Variants in LRP1B observed in about 807,000 individuals in gnomAD.
LRP1B encodes low-density lipoprotein receptor-related protein 1B.
LRP1B carries 217 observed loss-of-function variants against 556.6 expected under a neutral mutation model. That is an observed-to-expected ratio of 0.39 (90% confidence interval 0.35 to 0.44). The LOEUF is 0.44. Ranked by LOEUF, LRP1B falls within the 20% of genes least tolerant of loss-of-function variation. The pLI is 1.00. For missense variants in LRP1B, 5,053 were observed against 5,620.8 expected (o/e 0.90, Z 3.23); for synonymous variants, 2,047 against 1,865.8 (o/e 1.10, Z -2.50).
chr2:141,344,398 TTAAC>T (rs60681090), intron 3 of LRP1B, among the ~76,000 whole-genome samples: 86,579 of 151,362 alleles, frequency 0.57, 25,385 homozygotes, highest in Non-Finnish European at 0.62. Context: ...TTGCCTTTTG[TTAAC>T]TAAGTAAGCT....
intron 3 of LRP1B, among the ~76,000 whole-genome samples, chr2:141,370,405 G>A (rs1689187920): frequency 6.6e-6 from 1 of 152,124 alleles, no homozygotes; most frequent in African/African-American, 2.4e-5. Flanking sequence ...GATTAATGAT[G>A]TTCAATGTTT....
chr2:140,949,474 T>C (rs1695639974), intron 20 of LRP1B, among the ~76,000 whole-genome samples: 1 of 152,324 alleles, frequency 6.6e-6, no homozygotes, highest in East Asian at 1.9e-4. Flanking sequence ...TTTCTTAGCT[T>C]GTACTCTAGA....
chr2:141,465,614 A>G (rs759513240), intron 3 of LRP1B, among the ~76,000 whole-genome samples: 26 of 150,934 alleles, frequency 1.7e-4, no homozygotes, highest in Non-Finnish European at 2.9e-4. Context: ...CAGTGGCACA[A>G]TCTGGGCTCA....
At chr2:140,953,882 C>T (rs567491318) in intron 18 of LRP1B, among the ~76,000 whole-genome samples, 1 of 152,176 alleles carries the variant, frequency 6.6e-6, no homozygotes, top group African/African-American at 2.4e-5. Context: ...CCCCATCCAG[C>T]ACTCTTTGTA....
At chr2:140,917,878 T>A (rs2105249545) in intron 21 of LRP1B, among the ~76,000 whole-genome samples, 1 of 152,224 alleles carries the variant, frequency 6.6e-6, no homozygotes, top group East Asian at 1.9e-4. Context: ...ATAGGTGCAT[T>A]GATTATAACA....
chr2:140,760,186 T>C lies in LRP1B; in HGVS notation c.5758+9027A>G, dbSNP rs76606121. On this transcript the variant is annotated intron_variant, in intron 35 of 90. Coordinates refer to ENST00000389484, the MANE Select transcript of LRP1B (RefSeq NM_018557.3). ...GGGGAACACATCAGATAACAAATAGTAAACCAGGGGAACACATCAGAATCA... is the reference window on the plus strand; with the variant it reads ...GGGGAACACATCAGATAACAAATAGCAAACCAGGGGAACACATCAGAATCA... 9.9e-5 allele frequency among the ~76,000 whole-genome samples: 15 copies of C among 152,230 alleles called. No homozygotes were observed. In the East Asian group the frequency reaches 2.9e-3, roughly 29 times the overall value.
chr2:141,471,344 C>T (rs1377222091), intron 3 of LRP1B, among the ~76,000 whole-genome samples: 1 of 143,426 alleles, frequency 7.0e-6, no homozygotes, highest in Admixed American at 7.1e-5. Context: ...ATAAGTCATA[C>T]TGTATACCTA....
chr2:141,651,792 A>G (rs1179019607), intron 2 of LRP1B, among the ~76,000 whole-genome samples: 1 of 152,182 alleles, frequency 6.6e-6, no homozygotes, highest in African/African-American at 2.4e-5. Context: ...ACGTAACTGA[A>G]GTGTTTAACT....
chr2:141,662,793 T>C (rs543899069), intron 2 of LRP1B, among the ~76,000 whole-genome samples: 11 of 151,902 alleles, frequency 7.2e-5, no homozygotes, highest in Non-Finnish European at 1.5e-4. Flanking sequence ...AACAAAGATA[T>C]TCAGGACTTG....
intron 2 of LRP1B, among the ~76,000 whole-genome samples, chr2:141,653,572 C>T (rs1273080703): frequency 6.6e-6 from 1 of 152,194 alleles, no homozygotes; most frequent in Non-Finnish European, 1.5e-5. Flanking sequence ...GGAAGCTCCA[C>T]TAACATATTC....
chr2:140,684,599 T>C (rs976241511), intron 41 of LRP1B, among the ~76,000 whole-genome samples: 1 of 152,216 alleles, frequency 6.6e-6, no homozygotes, highest in Non-Finnish European at 1.5e-5. Flanking sequence ...AGATACATTT[T>C]GTTTTTAGCT....
chr2:141,381,699 G>C (rs1157118524), intron 3 of LRP1B, among the ~76,000 whole-genome samples: 9 of 152,074 alleles, frequency 5.9e-5, no homozygotes, highest in Admixed American at 5.9e-4. Context: ...AAATTTTTCA[G>C]CAGAAACCTT....
intron 56 of LRP1B, 37 bp downstream of exon 56, chr2:140,495,528 A>T (rs780666886): frequency 6.5e-6 from 10 of 1,544,848 alleles, no homozygotes; most frequent in Non-Finnish European, 8.9e-6. Flanking sequence ...CATATGTATA[A>T]CTGAGGTTGG....
intron 31 of LRP1B, among the ~76,000 whole-genome samples, chr2:140,815,865 CTCTT>C (rs1691101676): frequency 3.0e-5 from 2 of 66,448 alleles, no homozygotes; most frequent in Admixed American, 1.6e-4. Flanking sequence ...AATGTTGTCT[CTCTT>C]TTTTTTTTTT....
chr2:141,993,373 A>G (rs1360834118), intron 1 of LRP1B, among the ~76,000 whole-genome samples: 2 of 152,060 alleles, frequency 1.3e-5, no homozygotes, highest in Non-Finnish European at 2.9e-5. Flanking sequence ...GCCTATCACC[A>G]TCTCCCATTG....
intron 84 of LRP1B, among the ~76,000 whole-genome samples, chr2:140,285,412 T>C (rs147742950): frequency 4.7e-5 from 7 of 150,164 alleles, no homozygotes; most frequent in African/African-American, 1.7e-4. Context: ...GAGAGAGAGA[T>C]ATTTCTACAC....
At chr2:140,366,092 G>C (rs1441120890) in intron 71 of LRP1B, among the ~76,000 whole-genome samples, 1 of 151,666 alleles carries the variant, frequency 6.6e-6, no homozygotes, top group African/African-American at 2.4e-5. Context: ...GAAAACTCTA[G>C]CTCTGGTGTG....
At chr2:141,060,569 A>G (rs1368062560) in intron 8 of LRP1B, among the ~76,000 whole-genome samples, 2 of 151,784 alleles carry the variant, frequency 1.3e-5, no homozygotes, top group African/African-American at 4.8e-5. Context: ...GGGGCCATCA[A>G]CCAAGGAACC....
chr2:141,423,294 T>C (rs1375938678), intron 3 of LRP1B, among the ~76,000 whole-genome samples: 37 of 103,840 alleles, frequency 3.6e-4, no homozygotes, highest in African/African-American at 5.2e-4. Context: ...CCAGAGCTTT[T>C]TTTTTTTTTT....
Sources: gnomAD v4.1 joint callset for allele counts (sites outside exome capture counted in the v4.1 genomes callset) on GRCh38, gnomAD v4.1.1 for gene constraint, MANE v1.5 for transcripts, NCBI Gene and HGNC (gene_info 2026-07-23, HGNC 2026-07-21) for gene names.